FRYL: variants seen among roughly 807,000 people sequenced by gnomAD.
FRYL encodes FRY like transcription coactivator, also known as protein furry homolog-like.
A neutral mutation model predicts 351.2 loss-of-function variants in FRYL; 150 were observed. The ratio of observed to expected loss-of-function variants is 0.43; its 90% CI spans 0.37 to 0.49. The LOEUF (loss-of-function observed/expected upper bound fraction) is 0.49, where lower values mean the gene tolerates loss of function less well. Ranked by LOEUF, FRYL falls within the 20% of genes least tolerant of loss-of-function variation. The pLI is 0.00. For missense variants in FRYL, 3,036 were observed against 3,619.3 expected, an observed-to-expected ratio of 0.84 and a Z score of 4.13; for synonymous variants, 1,153 against 1,257.1, an observed-to-expected ratio of 0.92 and a Z score of 1.75.
intron 3 of FRYL, among the ~76,000 whole-genome samples, chr4:48,677,286 A>T (rs1196660364): frequency 6.6e-6 from 1 of 152,236 alleles, no homozygotes; most frequent in African/African-American, 2.4e-5. Context: ...AGCTGCAGGT[A>T]GATTTCTATA....
chr4:48,661,287 T>C (rs1223283278), intron 3 of FRYL, among the ~76,000 whole-genome samples: 2 of 152,156 alleles, frequency 1.3e-5, no homozygotes, highest in Non-Finnish European at 2.9e-5. Context: ...CATAAATAAT[T>C]ACAACATTGT....
chr4:48,573,129 G>T, intron 26 of FRYL, 57 bp downstream of exon 26: 1 of 1,321,520 alleles, frequency 7.6e-7, no homozygotes, highest in Non-Finnish European at 1.1e-6. Context: ...GATATAACAT[G>T]TAAATATGGC....
intron 16 of FRYL, among the ~76,000 whole-genome samples, chr4:48,591,924 G>A (rs1281049344): frequency 1.3e-5 from 2 of 151,366 alleles, no homozygotes; most frequent in South Asian, 2.1e-4. Flanking sequence ...CCTTCTTAAT[G>A]TTTTTTTCTC....
chr4:48,508,340 T>C (rs1486601397), intron 59 of FRYL, among the ~76,000 whole-genome samples: 2 of 152,212 alleles, frequency 1.3e-5, no homozygotes, highest in Non-Finnish European at 2.9e-5. Context: ...ATAGACCATT[T>C]TGGGGGAAAA....
At chr4:48,607,330 CT>C (rs1365115837) in intron 9 of FRYL, among the ~76,000 whole-genome samples, 2 of 152,076 alleles carry the variant, frequency 1.3e-5, no homozygotes, top group Non-Finnish European at 2.9e-5. Flanking sequence ...CCAGTGGTCA[CT>C]GACTACAGTG....
chr4:48,551,843 C>T (rs1732832463), intron 36 of FRYL, among the ~76,000 whole-genome samples: 1 of 152,148 alleles, frequency 6.6e-6, no homozygotes, highest in South Asian at 2.1e-4. Context: ...CAAGAAGCTT[C>T]CATGTTTATA....
At chr4:48,506,669 T>TATATATATA (rs1721115591) in intron 59 of FRYL, 1 of 96,658 alleles carries the variant, frequency 1.0e-5, no homozygotes, top group Admixed American at 1.2e-4. Flanking sequence ...TATATATATA[T>TATATATATA]GAAATCATTA....
intron 18 of FRYL, among the ~76,000 whole-genome samples, chr4:48,587,774 A>G (rs997642354): frequency 2.0e-5 from 3 of 151,906 alleles, no homozygotes; most frequent in African/African-American, 7.3e-5. Context: ...TGAACTCCTG[A>G]CCTCAGGTGA....
At position 48,515,022 on chromosome 4, in the gene FRYL, T is replaced by C; in HGVS notation, c.7937+6A>G. 6.2e-7 allele frequency: 1 copy of C among 1,610,794 alleles called. No homozygotes were observed. Among genetic ancestry groups the C allele is most frequent in the Non-Finnish European group, 8.5e-7 (1 of 1,178,310 alleles). ...CACTACAGTGTTTATGATACTGTAT[T>C]CTCACCTAGACAGTCCGGAGAAATC... On this transcript the variant is annotated splice_donor_region_variant and intron_variant, in intron 56 of 63. Coordinates refer to ENST00000358350, the MANE Select transcript of FRYL (RefSeq NM_015030.2).
chr4:48,529,087 A>G (rs1289306394), intron 50 of FRYL, among the ~76,000 whole-genome samples: 1 of 152,094 alleles, frequency 6.6e-6, no homozygotes, highest in Admixed American at 6.6e-5. Context: ...TGTTTTCCAA[A>G]CACACCATGC....
At chr4:48,695,882 T>G (rs1232766107) in intron 2 of FRYL, among the ~76,000 whole-genome samples, 25 of 152,148 alleles carry the variant, frequency 1.6e-4, no homozygotes, top group Admixed American at 1.6e-3. Context: ...AAATAGACAC[T>G]TCACAAAGGA....
rs749161161 is a variant in FRYL at position 48,650,494 on chromosome 4, T to C, written c.-80-16004A>G. Among the ~76,000 whole-genome samples the C allele has an allele frequency of 5.3e-5, 8 of 152,156 alleles. No homozygotes were observed. The South Asian group carries it at 1.4e-3, about 28-fold the overall frequency. ...AGAAGAGAACAGATGAAGCATTAAC[T>C]ATGTGGCTGACTGAAGGAAGAATGG... On this transcript the variant is annotated intron_variant, in intron 3 of 63. Transcript: ENST00000358350.
Position 48,696,850 on chromosome 4 carries a change from ATC to A in FRYL, c.-203-12057_-203-12056del, listed in dbSNP as rs1560873351. Among the ~76,000 whole-genome samples the A allele has an allele frequency of 1.2e-3, 47 of 39,278 alleles. No individual in the cohort carries two copies. In the East Asian group the frequency reaches 0.023, roughly 20 times the overall value. The allele number at this position is 39,278 out of a possible 152,430, so 25.8% of individuals were successfully genotyped here. On this transcript the variant is annotated intron_variant, in intron 2 of 63. Transcript: ENST00000358350. ...AAAGAAAAATAACGATAAGAGATCT[ATC>A]TATCTATCTATCTATCTATCTATCT...
rs535124944 is a variant in FRYL, at chr4:48,624,919, C to T, written c.121-1740G>A. Among the ~76,000 whole-genome samples, 15 of 152,292 alleles carry T rather than the reference C, an allele frequency of 9.8e-5. No homozygotes were observed. The South Asian group carries it at 2.9e-3, about 29-fold the overall frequency. On this transcript the variant is annotated intron_variant, in intron 4 of 63. Transcript: ENST00000358350. ...GCCTGACCGACTTGAGCTAGGACAT[C>T]GGTCTTTCTCTGCCTACAGATTCAA...
At chr4:48,741,032 GAA>G (rs548301237) in intron 1 of FRYL, among the ~76,000 whole-genome samples, 2 of 137,256 alleles carry the variant, frequency 1.5e-5, no homozygotes. Flanking sequence ...TAGATTTGAT[GAA>G]AAAAAAAAAA....
Position 48,650,043 on chromosome 4 carries a change from T to A in FRYL, c.-80-15553A>T, listed in dbSNP as rs193006917. On this transcript the variant is annotated intron_variant, in intron 3 of 63. Transcript: ENST00000358350. Reference sequence around the variant, plus strand: ...TATATAATTTATTTAATGGAAAAAATTTTTCATTTCTTTTTTTATAAAGGC... The same window carrying A: ...TATATAATTTATTTAATGGAAAAAAATTTTCATTTCTTTTTTTATAAAGGC... Among the ~76,000 whole-genome samples, 435 of 152,036 alleles carry A rather than the reference T, an allele frequency of 2.9e-3. 1 individual carries two copies. Among genetic ancestry groups the A allele is most frequent in the African/African-American group, 9.8e-3 (408 of 41,482 alleles).
chr4:48,610,783 T>C (rs1354775663), intron 7 of FRYL, among the ~76,000 whole-genome samples: 1 of 147,050 alleles, frequency 6.8e-6, no homozygotes, highest in Non-Finnish European at 1.5e-5. Flanking sequence ...GTTCAATATA[T>C]TGTATATATT....
intron 2 of FRYL, among the ~76,000 whole-genome samples, chr4:48,706,255 A>G (rs1350839682): frequency 6.6e-6 from 1 of 152,218 alleles, no homozygotes; most frequent in Non-Finnish European, 1.5e-5. Flanking sequence ...CTCAAATATC[A>G]GTTGATGGAT....
chr4:48,719,731 T>C lies in FRYL; in HGVS notation c.-383-9033A>G, dbSNP rs565492111. Among the ~76,000 whole-genome samples the C allele has an allele frequency of 4.6e-5, 7 of 151,800 alleles. 1 individual carries two copies. The highest frequency in any genetic ancestry group is 3.3e-4 in the Admixed American group (5 of 15,140). On this transcript the variant is annotated intron_variant, in intron 1 of 63. Coordinates refer to ENST00000358350, the MANE Select transcript of FRYL (RefSeq NM_015030.2). ...GTTTTCATTTTGTGGGACTCTCACA[T>C]AGATTCATGATGCAAGAACAACCAC...
Sources: gnomAD v4.1 joint callset for allele counts (sites outside exome capture counted in the v4.1 genomes callset) on GRCh38, gnomAD v4.1.1 for gene constraint, MANE v1.5 for transcripts, NCBI Gene and HGNC (gene_info 2026-07-23, HGNC 2026-07-21) for gene names.